STAG1: variants seen among roughly 807,000 people sequenced by gnomAD.
The protein encoded by STAG1 is cohesin subunit SA-1.
STAG1 carries 26 observed loss-of-function variants against 170.9 expected under a neutral mutation model. The observed-to-expected ratio is 0.15, with a 90% CI of 0.11 to 0.21. STAG1 has a LOEUF of 0.21. Among genes scored for constraint, STAG1 ranks in the 10% least tolerant of loss-of-function variants. The pLI is 1.00. For synonymous variants in STAG1, 514 were observed against 497.7 expected, an observed-to-expected ratio of 1.03 and a Z score of -0.44; for missense variants, 964 against 1,509.5, an observed-to-expected ratio of 0.64 and a Z score of 5.99.
chr3:136,536,679 G>A (rs2107718137), intron 6 of STAG1, among the ~76,000 whole-genome samples: 1 of 148,344 alleles, frequency 6.7e-6, no homozygotes. Flanking sequence ...CCAGCCTGGG[G>A]GTGACAGAGC....
intron 1 of STAG1, among the ~76,000 whole-genome samples, chr3:136,728,279 A>G (rs534651860): frequency 2.6e-5 from 4 of 152,344 alleles, no homozygotes; most frequent in South Asian, 4.1e-4. Flanking sequence ...AAAGTACCAC[A>G]ATACTTTTAG....
intron 7 of STAG1, among the ~76,000 whole-genome samples, chr3:136,519,686 T>C (rs1378901942): frequency 2.6e-5 from 4 of 151,714 alleles, no homozygotes; most frequent in Non-Finnish European, 2.9e-5. Flanking sequence ...CTACGAAAGG[T>C]TGGCGAATTA....
intron 24 of STAG1, among the ~76,000 whole-genome samples, chr3:136,367,690 T>C (rs1017105147): frequency 2.0e-5 from 3 of 152,052 alleles, no homozygotes; most frequent in South Asian, 2.1e-4. Context: ...AGGGAAGAAA[T>C]TGAAATATGG....
chr3:136,463,127 C>T (rs1263173040), intron 13 of STAG1, among the ~76,000 whole-genome samples: 1 of 152,202 alleles, frequency 6.6e-6, no homozygotes, highest in Non-Finnish European at 1.5e-5. Context: ...CATTATTCTA[C>T]TAGCCAGAGC....
At chr3:136,600,117 GTAAGTGATGTTTTAATAAAAA>G (rs1226396602) in intron 4 of STAG1, among the ~76,000 whole-genome samples, 11 of 152,126 alleles carry the variant, frequency 7.2e-5, no homozygotes. Flanking sequence ...TTGATTTCCT[GTAAGTGATGTTTTAATAAAAA>G]TAGCCATGCA....
At chr3:136,623,865 G>C (rs1939971267) in intron 2 of STAG1, among the ~76,000 whole-genome samples, 1 of 151,966 alleles carries the variant, frequency 6.6e-6, no homozygotes, top group Non-Finnish European at 1.5e-5. Flanking sequence ...TGAGGGAGGG[G>C]AATCATTTGA....
intron 1 of STAG1, among the ~76,000 whole-genome samples, chr3:136,697,198 T>A (rs148939427): frequency 1.3e-5 from 2 of 152,344 alleles, no homozygotes; most frequent in African/African-American, 4.8e-5. Context: ...TAACATTTTT[T>A]ACCTTGAAAT....
At chr3:136,501,023 C>T (rs1301338862) in intron 8 of STAG1, among the ~76,000 whole-genome samples, 1 of 127,548 alleles carries the variant, frequency 7.8e-6, no homozygotes, top group African/African-American at 3.5e-5. Context: ...TTACTACATA[C>T]ATGAATGTTG....
At chr3:136,578,729 G>A (rs1490079185) in intron 4 of STAG1, among the ~76,000 whole-genome samples, 1 of 152,142 alleles carries the variant, frequency 6.6e-6, no homozygotes, top group Non-Finnish European at 1.5e-5. Flanking sequence ...AGTTAAATCA[G>A]GGGCTTACAG....
chr3:136,458,874 T>C (rs2089193953), intron 13 of STAG1, among the ~76,000 whole-genome samples: 1 of 151,564 alleles, frequency 6.6e-6, no homozygotes, highest in Non-Finnish European at 1.5e-5. Context: ...GTAACAGAAG[T>C]GGATATATTT....
chr3:136,484,268 CTTTCTGGTTGTT>C, intron 9 of STAG1, among the ~76,000 whole-genome samples: 1 of 151,880 alleles, frequency 6.6e-6, no homozygotes, highest in Non-Finnish European at 1.5e-5. Flanking sequence ...GTTAGATGTC[CTTTCTGGTTGTT>C]AGTTTTCCTT....
At chr3:136,463,562 A>T (rs1262876544) in intron 13 of STAG1, among the ~76,000 whole-genome samples, 3 of 151,922 alleles carry the variant, frequency 2.0e-5, no homozygotes, top group Non-Finnish European at 4.4e-5. Flanking sequence ...ACCTATAACC[A>T]AGAATATGTT....
At chr3:136,484,432 C>A (rs1399049884) in intron 9 of STAG1, among the ~76,000 whole-genome samples, 2 of 147,894 alleles carry the variant, frequency 1.4e-5, no homozygotes, top group East Asian at 4.0e-4. Context: ...GCAGTCTGCC[C>A]GTTCTCAGAT....
rs140810967 is a variant in STAG1 at position 136,668,100 on chromosome 3, C to G, written c.-83-37119G>C. ...TACAAAAATTAGCCAAGCATGGTGG[C>G]ATGTGCCTGTAATCCCAGCTATGTC... On this transcript the variant is annotated intron_variant, in intron 1 of 33. Coordinates refer to ENST00000383202, the MANE Select transcript of STAG1 (RefSeq NM_005862.3). Among the ~76,000 whole-genome samples, 195 of 151,936 alleles carry G rather than the reference C, an allele frequency of 1.3e-3. 1 individual carries two copies. The highest frequency in any genetic ancestry group is 4.3e-3 in the African/African-American group (180 of 41,452).
intron 5 of STAG1, among the ~76,000 whole-genome samples, chr3:136,559,472 G>A (rs892296038): frequency 6.6e-6 from 1 of 152,152 alleles, no homozygotes; most frequent in African/African-American, 2.4e-5. Context: ...AGCTCCTTGA[G>A]AAACTGCAGT....
At chr3:136,477,242 C>A (rs375714838) in intron 10 of STAG1, 47 bp downstream of exon 10, 7 of 1,545,566 alleles carry the variant, frequency 4.5e-6, no homozygotes, top group Non-Finnish European at 4.4e-6. Flanking sequence ...CATTTTAGTA[C>A]TGAGACAAAC....
chr3:136,651,187 A>G (rs1941205070), intron 1 of STAG1, among the ~76,000 whole-genome samples: 1 of 152,088 alleles, frequency 6.6e-6, no homozygotes, highest in Non-Finnish European at 1.5e-5. Context: ...CAACGCAGTG[A>G]GCTCTCGTCT....
chr3:136,479,027 T>C (rs1197700788), intron 9 of STAG1, among the ~76,000 whole-genome samples: 1 of 151,264 alleles, frequency 6.6e-6, no homozygotes, highest in South Asian at 2.1e-4. Context: ...CATCCATTAA[T>C]CCTTCCATTA....
At chr3:136,586,232 TTA>T (rs60301303) in intron 4 of STAG1, among the ~76,000 whole-genome samples, 26,093 of 150,652 alleles carry the variant, frequency 0.17, 3,757 homozygotes, top group African/African-American at 0.41. Context: ...GTATAATCCT[TTA>T]TGTGTGTGTA....
Sources: gnomAD v4.1 joint callset for allele counts (sites outside exome capture counted in the v4.1 genomes callset) on GRCh38, gnomAD v4.1.1 for gene constraint, MANE v1.5 for transcripts, NCBI Gene and HGNC (gene_info 2026-07-23, HGNC 2026-07-21) for gene names.